POT1: variants seen among roughly 807,000 people sequenced by gnomAD.
POT1 encodes the protein protection of telomeres 1.
In POT1, 47 loss-of-function variants were observed where a neutral mutation model predicts 78.5. The observed-to-expected ratio is 0.60, with a 90% CI of 0.47 to 0.76. The LOEUF is 0.76. Ranked by LOEUF, POT1 falls within the 30% of genes least tolerant of loss-of-function variation. POT1 has a pLI of 0.00. For missense variants in POT1, 646 were observed against 749.9 expected (o/e 0.86, Z 1.62); for synonymous variants, 259 against 260.7 (o/e 0.99, Z 0.06).
intron 3 of POT1, among the ~76,000 whole-genome samples, chr7:124,902,022 T>G (rs936035612): frequency 2.0e-5 from 3 of 152,096 alleles, no homozygotes; most frequent in African/African-American, 4.8e-5. Flanking sequence ...AATATGGGAC[T>G]ATAAGAAAAG....
At chr7:124,913,063 T>C (rs573449126) in intron 3 of POT1, among the ~76,000 whole-genome samples, 2 of 152,280 alleles carry the variant, frequency 1.3e-5, no homozygotes, top group Admixed American at 6.5e-5. Context: ...AGAGAGCTTG[T>C]GCAGAAAAAC....
chr7:124,871,969 C>T (rs751957292), intron 6 of POT1, among the ~76,000 whole-genome samples: 2 of 152,126 alleles, frequency 1.3e-5, no homozygotes, highest in African/African-American at 2.4e-5. Context: ...AACCCCTGAA[C>T]TTATTCTTCC....
At chr7:124,833,884 T>C (rs7791471) in intron 15 of POT1, among the ~76,000 whole-genome samples, 2,198 of 152,250 alleles carry the variant, frequency 0.014, 59 homozygotes, top group African/African-American at 0.048. Context: ...TAGTAACCAA[T>C]GAAATAAACT....
At chr7:124,892,799 T>C (rs942821904) in intron 5 of POT1, 1 of 151,682 alleles carries the variant, frequency 6.6e-6, no homozygotes, top group Non-Finnish European at 1.5e-5. Flanking sequence ...GTAACTTCAT[T>C]GTAAATCAAG....
chr7:124,847,738 A>G (rs950345986), intron 11 of POT1, among the ~76,000 whole-genome samples: 1 of 152,234 alleles, frequency 6.6e-6, no homozygotes, highest in Admixed American at 6.5e-5. Flanking sequence ...GAGAGCCTGG[A>G]AATAAACCCA....
intron 3 of POT1, among the ~76,000 whole-genome samples, chr7:124,912,504 T>TC (rs1355975356): frequency 6.6e-6 from 1 of 152,114 alleles, no homozygotes; most frequent in Non-Finnish European, 1.5e-5. Flanking sequence ...ATACCTTCCC[T>TC]CCCCTTCTCA....
chr7:124,847,703 T>C (rs966467613), intron 11 of POT1, among the ~76,000 whole-genome samples: 4 of 152,242 alleles, frequency 2.6e-5, no homozygotes, highest in African/African-American at 7.2e-5. Context: ...GATTGAAAAA[T>C]AGATCAACTG....
At chr7:124,901,628 A>T (rs2116656186) in intron 3 of POT1, among the ~76,000 whole-genome samples, 1 of 152,348 alleles carries the variant, frequency 6.6e-6, no homozygotes. Context: ...TTCTCCTCCA[A>T]AGGATCACAG....
intron 8 of POT1, among the ~76,000 whole-genome samples, chr7:124,861,815 T>C (rs1354332750): frequency 2.0e-5 from 3 of 152,220 alleles, no homozygotes; most frequent in African/African-American, 7.2e-5. Context: ...TTCAGTTTAC[T>C]GCATATGGCT....
At chr7:124,894,499 T>G (rs1374525033) in intron 5 of POT1, among the ~76,000 whole-genome samples, 1 of 151,678 alleles carries the variant, frequency 6.6e-6, no homozygotes, top group Admixed American at 6.6e-5. Flanking sequence ...TGGCTTTCCA[T>G]GCAAATCAGC....
chr7:124,847,553 C>T (rs896175642), intron 11 of POT1, among the ~76,000 whole-genome samples: 5 of 152,166 alleles, frequency 3.3e-5, no homozygotes, highest in Admixed American at 2.0e-4. Flanking sequence ...AAAGCAGATG[C>T]TATCACTTAT....
chr7:124,918,004 G>A (rs1257670558), intron 2 of POT1, among the ~76,000 whole-genome samples: 1 of 152,066 alleles, frequency 6.6e-6, no homozygotes, highest in Non-Finnish European at 1.5e-5. Flanking sequence ...AAATATTCTG[G>A]TGCTACTCTC....
At chr7:124,911,220 C>T (rs1295886649) in intron 3 of POT1, among the ~76,000 whole-genome samples, 1 of 152,050 alleles carries the variant, frequency 6.6e-6, no homozygotes, top group Non-Finnish European at 1.5e-5. Context: ...TGACAGCAGA[C>T]CTTTACTGGG....
rs1483829525 is a variant in POT1 at position 124,884,361 on chromosome 7, G to A, written c.124+7905C>T. ...CTACTCTGAGAAATTTGATTATACT[G>A]CTCAGTAAGTAGCTAAAACAGAAGG... On this transcript the variant is annotated intron_variant, in intron 6 of 18. Transcript: ENST00000357628. Among the ~76,000 whole-genome samples the A allele has an allele frequency of 2.0e-5, 3 of 152,228 alleles. No homozygotes were observed. The East Asian group carries it at 5.8e-4, about 29-fold the overall frequency.
At chr7:124,893,029 G>A (rs748391452) in intron 5 of POT1, among the ~76,000 whole-genome samples, 5 of 151,320 alleles carry the variant, frequency 3.3e-5, no homozygotes, top group Non-Finnish European at 7.4e-5. Context: ...TCTCTTGTAA[G>A]TTTAGAAAAC....
intron 2 of POT1, among the ~76,000 whole-genome samples, chr7:124,922,145 C>G (rs1465056671): frequency 6.6e-6 from 1 of 151,766 alleles, no homozygotes; most frequent in Non-Finnish European, 1.5e-5. Context: ...AATTCTATAT[C>G]CAATAAATAT....
chr7:124,827,014 C>A (rs1794646673), intron 17 of POT1, among the ~76,000 whole-genome samples, 200 bp downstream of exon 17: 1 of 152,054 alleles, frequency 6.6e-6, no homozygotes, highest in African/African-American at 2.4e-5. Flanking sequence ...TAATTTTTCA[C>A]TATTCAAATG....
At chr7:124,917,634 G>C (rs1379193844) in intron 2 of POT1, among the ~76,000 whole-genome samples, 1 of 152,218 alleles carries the variant, frequency 6.6e-6, no homozygotes, top group South Asian at 2.1e-4. Flanking sequence ...GCAATCAAGA[G>C]AACCACAATC....
chr7:124,846,162 GAC>G (rs60301966), intron 12 of POT1, among the ~76,000 whole-genome samples: 108 of 148,784 alleles, frequency 7.3e-4, no homozygotes, highest in African/African-American at 1.4e-3. Flanking sequence ...CATTCATACT[GAC>G]ACACACACAC....
Sources: gnomAD v4.1 joint callset for allele counts (sites outside exome capture counted in the v4.1 genomes callset) on GRCh38, gnomAD v4.1.1 for gene constraint, MANE v1.5 for transcripts, NCBI Gene and HGNC (gene_info 2026-07-23, HGNC 2026-07-21) for gene names.